The following TRPC4 variants were observed in gnomAD, a reference collection of about 807,000 sequenced individuals.
TRPC4 encodes transient receptor potential cation channel subfamily C member 4.
A neutral mutation model predicts 99.4 loss-of-function variants in TRPC4; 49 were observed. The ratio of observed to expected loss-of-function variants is 0.49; its 90% CI spans 0.39 to 0.63. TRPC4 has a LOEUF of 0.63. Ranked by LOEUF, TRPC4 falls within the 20% of genes least tolerant of loss-of-function variation. TRPC4 has a pLI of 0.00. For synonymous variants in TRPC4, 454 were observed against 425.9 expected (o/e 1.07, Z -0.81); for missense variants, 898 against 1,152.9 (o/e 0.78, Z 3.20).
chr13:37,755,795 C>T (rs1295919393), intron 2 of TRPC4, among the ~76,000 whole-genome samples: 2 of 152,044 alleles, frequency 1.3e-5, no homozygotes. Flanking sequence ...CCTTGTAACA[C>T]GAAACTTCTG....
chr13:37,684,011 G>T (rs1953360146), intron 4 of TRPC4, among the ~76,000 whole-genome samples: 1 of 152,154 alleles, frequency 6.6e-6, no homozygotes, highest in African/African-American at 2.4e-5. Flanking sequence ...GTGATAGAAA[G>T]AAGTAAAACC....
intron 8 of TRPC4, among the ~76,000 whole-genome samples, chr13:37,639,646 T>A (rs1951653654): frequency 6.6e-6 from 1 of 151,726 alleles, no homozygotes; most frequent in Admixed American, 6.6e-5. Context: ...AAATAAAAAT[T>A]TAAAAGTTTT....
intron 2 of TRPC4, among the ~76,000 whole-genome samples, chr13:37,761,693 T>C (rs969637602): frequency 6.6e-6 from 1 of 151,830 alleles, no homozygotes; most frequent in Non-Finnish European, 1.5e-5. Context: ...AACATGGAGG[T>C]ACTAGTGTTA....
chr13:37,758,705 C>T (rs1216159918), intron 2 of TRPC4, among the ~76,000 whole-genome samples: 4 of 151,488 alleles, frequency 2.6e-5, no homozygotes, highest in African/African-American at 9.7e-5. Flanking sequence ...AAAATCTATA[C>T]TTTTCTTAAC....
At chr13:37,783,989 T>C (rs1487454585) in intron 1 of TRPC4, among the ~76,000 whole-genome samples, 2 of 152,046 alleles carry the variant, frequency 1.3e-5, no homozygotes, top group Non-Finnish European at 2.9e-5. Context: ...ATTACAGGCA[T>C]GAGCCACTGT....
chr13:37,812,197 C>CAAAAAAAAAAAAAAAAAAAA (rs1156963631), intron 1 of TRPC4, among the ~76,000 whole-genome samples: 12 of 111,218 alleles, frequency 1.1e-4, no homozygotes, highest in East Asian at 7.9e-4. Flanking sequence ...AAAAAAAAAC[C>CAAAAAAAAAAAAAAAAAAAA]AGGAGATCTA....
intron 1 of TRPC4, among the ~76,000 whole-genome samples, chr13:37,839,797 G>C (rs1045442155): frequency 6.6e-6 from 1 of 151,974 alleles, no homozygotes; most frequent in Non-Finnish European, 1.5e-5. Flanking sequence ...GAAAAATTGG[G>C]GTGGCTTCAG....
At chr13:37,829,676 C>G (rs1203737074) in intron 1 of TRPC4, among the ~76,000 whole-genome samples, 1 of 152,138 alleles carries the variant, frequency 6.6e-6, no homozygotes, top group Non-Finnish European at 1.5e-5. Flanking sequence ...ATATATGTCA[C>G]ACAGAAATTT....
intron 4 of TRPC4, among the ~76,000 whole-genome samples, chr13:37,677,273 C>A (rs1376108893): frequency 1.3e-5 from 2 of 151,890 alleles, no homozygotes; most frequent in Admixed American, 1.3e-4. Flanking sequence ...AATCCAATAA[C>A]AGGCATAAAA....
intron 2 of TRPC4, among the ~76,000 whole-genome samples, chr13:37,757,103 A>G (rs537086754): frequency 1.4e-5 from 2 of 144,544 alleles, no homozygotes; most frequent in East Asian, 4.1e-4. Context: ...AAAATATGCA[A>G]TGTGGTAACA....
At chr13:37,774,825 G>A (rs1025988595) in intron 2 of TRPC4, among the ~76,000 whole-genome samples, 5 of 151,648 alleles carry the variant, frequency 3.3e-5, no homozygotes, top group African/African-American at 1.2e-4. Flanking sequence ...GAAAGAAAGG[G>A]TATGTTGAAA....
intron 6 of TRPC4, among the ~76,000 whole-genome samples, chr13:37,661,798 AGACGG>A (rs1952448437): frequency 6.8e-6 from 1 of 147,666 alleles, no homozygotes; most frequent in Non-Finnish European, 1.5e-5. Flanking sequence ...ACCACAAATA[AGACGG>A]GAGCCAGAGG....
chr13:37,728,136 C>T (rs561872441), intron 3 of TRPC4, among the ~76,000 whole-genome samples: 11 of 151,780 alleles, frequency 7.2e-5, no homozygotes, highest in African/African-American at 1.7e-4. Flanking sequence ...AGGAACAAAG[C>T]GAGGTGCCTG....
intron 6 of TRPC4, among the ~76,000 whole-genome samples, chr13:37,658,016 T>TA (rs1042641434): frequency 2.0e-5 from 3 of 152,158 alleles, no homozygotes; most frequent in African/African-American, 7.2e-5. Flanking sequence ...GGTGGATTTT[T>TA]AAAAAATCAG....
chr13:37,787,741 TCAA>T (rs1240519155), intron 1 of TRPC4, among the ~76,000 whole-genome samples: 6 of 152,028 alleles, frequency 3.9e-5, no homozygotes, highest in Admixed American at 6.6e-5. Flanking sequence ...ATTACATTAC[TCAA>T]CAACAACAAC....
intron 4 of TRPC4, among the ~76,000 whole-genome samples, chr13:37,687,379 G>A (rs564219552): frequency 3.9e-5 from 6 of 152,092 alleles, no homozygotes; most frequent in East Asian, 3.9e-4. Context: ...TTGTGCAAAG[G>A]GATAATTTAT....
At chr13:37,773,141 G>A (rs1956600996) in intron 2 of TRPC4, among the ~76,000 whole-genome samples, 1 of 151,724 alleles carries the variant, frequency 6.6e-6, no homozygotes, top group Non-Finnish European at 1.5e-5. Flanking sequence ...CAAAAGCATG[G>A]AAAGAACTCT....
At chr13:37,786,675 G>C (rs568111288) in intron 1 of TRPC4, among the ~76,000 whole-genome samples, 1 of 152,024 alleles carries the variant, frequency 6.6e-6, no homozygotes, top group African/African-American at 2.4e-5. Context: ...ATTGCTCCTG[G>C]TCCTCCACTT....
Position 37,701,160 on chromosome 13 carries a change from C to G in TRPC4, c.898-8825G>C, listed in dbSNP as rs186535645. ...AAGAGCCAAAAAAGAGAAAAAGGGACAAAAAGAGTTATAGTTCCCTATAAT... is the reference window on the plus strand; with the variant it reads ...AAGAGCCAAAAAAGAGAAAAAGGGAGAAAAAGAGTTATAGTTCCCTATAAT... On this transcript the variant is annotated intron_variant, in intron 3 of 10. Transcript: ENST00000379705. Among the ~76,000 whole-genome samples, 594 of 152,162 alleles carry G rather than the reference C, an allele frequency of 3.9e-3. 2 individuals carry two copies. Among genetic ancestry groups the G allele is most frequent in the Middle Eastern group, 6.8e-3 (2 of 294 alleles).
Sources: gnomAD v4.1 joint callset for allele counts (sites outside exome capture counted in the v4.1 genomes callset) on GRCh38, gnomAD v4.1.1 for gene constraint, MANE v1.5 for transcripts, NCBI Gene and HGNC (gene_info 2026-07-23, HGNC 2026-07-21) for gene names.